RTN1: variants seen among roughly 807,000 people sequenced by gnomAD.
RTN1 encodes the protein reticulon-1.
In RTN1, 25 loss-of-function variants were observed where a neutral mutation model predicts 65.5. The observed-to-expected ratio is 0.38, with a 90% CI of 0.28 to 0.53. The LOEUF (loss-of-function observed/expected upper bound fraction) is 0.53, where lower values mean the gene tolerates loss of function less well. Ranked by LOEUF, RTN1 falls within the 20% of genes least tolerant of loss-of-function variation. The probability of loss-of-function intolerance (pLI) is 0.79; values close to 1 mark genes in which losing one functional copy is unlikely to be tolerated. For synonymous variants in RTN1, 471 were observed against 447.6 expected, an observed-to-expected ratio of 1.05 and a Z score of -0.66; for missense variants, 983 against 1,025.4, an observed-to-expected ratio of 0.96 and a Z score of 0.57.
chr14:59,751,275 A>G (rs1349138644), intron 1 of RTN1, among the ~76,000 whole-genome samples: 1 of 148,394 alleles, frequency 6.7e-6, no homozygotes, highest in Non-Finnish European at 1.5e-5. Flanking sequence ...AAGGAATAAT[A>G]CTAAGGATTG....
intron 3 of RTN1, among the ~76,000 whole-genome samples, chr14:59,702,123 ATAAT>A (rs1458284676): frequency 5.9e-5 from 9 of 152,200 alleles, no homozygotes; most frequent in African/African-American, 1.9e-4. Flanking sequence ...ATTTTAGAAA[ATAAT>A]TAACAATGGA....
chr14:59,751,435 G>A (rs1026366197), intron 1 of RTN1, among the ~76,000 whole-genome samples: 10 of 152,156 alleles, frequency 6.6e-5, no homozygotes, highest in African/African-American at 1.9e-4. Context: ...TGGAGGCAGG[G>A]AAATCAACCC....
intron 3 of RTN1, among the ~76,000 whole-genome samples, chr14:59,624,779 C>G (rs1176612583): frequency 6.6e-6 from 1 of 152,086 alleles, no homozygotes; most frequent in Admixed American, 6.6e-5. Context: ...TTCATAAGAA[C>G]TAGAAAGGTG....
At chr14:59,706,888 G>A (rs535173008) in intron 3 of RTN1, among the ~76,000 whole-genome samples, 1 of 152,096 alleles carries the variant, frequency 6.6e-6, no homozygotes, top group Non-Finnish European at 1.5e-5. Flanking sequence ...AATAGTATCT[G>A]GTGTTATTCT....
intron 3 of RTN1, among the ~76,000 whole-genome samples, chr14:59,638,552 A>G (rs1006425524): frequency 5.9e-5 from 9 of 152,208 alleles, no homozygotes; most frequent in African/African-American, 4.8e-5. Context: ...ACCTTCATCA[A>G]TGATCTTTGG....
At chr14:59,660,113 T>G (rs1348382073) in intron 3 of RTN1, among the ~76,000 whole-genome samples, 1 of 152,072 alleles carries the variant, frequency 6.6e-6, no homozygotes, top group African/African-American at 2.4e-5. Flanking sequence ...AAACAGACTT[T>G]AAACCAACAA....
At chr14:59,610,916 C>T (rs1036155382) in intron 3 of RTN1, among the ~76,000 whole-genome samples, 3 of 134,432 alleles carry the variant, frequency 2.2e-5, no homozygotes, top group African/African-American at 7.5e-5. Flanking sequence ...GATCTTGTGG[C>T]CCCCACCCAG....
rs959535882 is a variant in RTN1 at position 59,790,806 on chromosome 14, C to T, written c.242-44325G>A. 5.3e-5 allele frequency among the ~76,000 whole-genome samples: 8 copies of T among 151,918 alleles called. No individual in the cohort carries two copies. Among genetic ancestry groups the T allele is most frequent in the Admixed American group, 1.3e-4 (2 of 15,236 alleles). The stretch of plus-strand genomic sequence containing the variant: ...CATCTTTGAGTTTTGTATCTATTGC[C>T]TTCTGATGTTTAACTCAGTATCTTA... On this transcript the variant is annotated intron_variant, in intron 1 of 8. Transcript: ENST00000267484. This position sits in a 1 kb window ranked among gnomAD's most constrained non-coding sequence, Gnocchi z 4.1.
At chr14:59,679,447 C>A (rs1883699052) in intron 3 of RTN1, among the ~76,000 whole-genome samples, 1 of 152,182 alleles carries the variant, frequency 6.6e-6, no homozygotes, top group Non-Finnish European at 1.5e-5. Flanking sequence ...CAGCTAAGAC[C>A]ATGAGGTCTT....
chr14:59,717,191 G>T (rs908513130), intron 3 of RTN1, among the ~76,000 whole-genome samples: 2 of 152,132 alleles, frequency 1.3e-5, no homozygotes, highest in Admixed American at 1.3e-4. Flanking sequence ...GGAAGTGAAA[G>T]AATTAGGTTT....
At chr14:59,724,644 C>T (rs904036360) in intron 3 of RTN1, among the ~76,000 whole-genome samples, 1 of 151,776 alleles carries the variant, frequency 6.6e-6, no homozygotes, top group Non-Finnish European at 1.5e-5. Context: ...GCAGGCGGAT[C>T]GCCTAAGGTC....
intron 1 of RTN1, among the ~76,000 whole-genome samples, chr14:59,780,262 G>C (rs1338912319): frequency 6.6e-6 from 1 of 152,142 alleles, no homozygotes; most frequent in Non-Finnish European, 1.5e-5. Context: ...CCATCCTGAG[G>C]TTTATGGAGG....
chr14:59,708,881 C>T (rs527565389), intron 3 of RTN1, among the ~76,000 whole-genome samples: 158 of 152,288 alleles, frequency 1.0e-3, no homozygotes, highest in Non-Finnish European at 1.8e-3. Context: ...AAAAGAAAAT[C>T]CATCTGATCA....
intron 2 of RTN1, among the ~76,000 whole-genome samples, chr14:59,735,138 A>G (rs1369367325): frequency 6.6e-6 from 1 of 152,210 alleles, no homozygotes; most frequent in Non-Finnish European, 1.5e-5. Context: ...AGCCAAACTA[A>G]GCTTAATAAG....
chr14:59,718,618 T>C (rs8004529), intron 3 of RTN1, among the ~76,000 whole-genome samples: 6,020 of 152,206 alleles, frequency 0.04, 398 homozygotes, highest in African/African-American at 0.14. Context: ...CACCTAAATA[T>C]ATTAAACCCG....
chr14:59,853,892 T>C (rs1181262555), intron 1 of RTN1, among the ~76,000 whole-genome samples: 2 of 139,456 alleles, frequency 1.4e-5, no homozygotes, highest in Non-Finnish European at 3.1e-5. Context: ...TGAGAGGGAG[T>C]CTTGCTCTGT....
chr14:59,701,408 G>A (rs1283311546), intron 3 of RTN1, among the ~76,000 whole-genome samples: 4 of 152,192 alleles, frequency 2.6e-5, no homozygotes, highest in East Asian at 3.9e-4. Flanking sequence ...AGCTGGCAAC[G>A]GAAACAACTC....
chr14:59,605,270 C>T, intron 5 of RTN1, 98 bp downstream of exon 5: 1 of 1,328,550 alleles, frequency 7.5e-7, no homozygotes, highest in African/African-American at 1.5e-5. Context: ...ATAATTAGCA[C>T]TTGCTTTTTA....
At chr14:59,755,225 A>G (rs545551300) in intron 1 of RTN1, among the ~76,000 whole-genome samples, 62 of 152,346 alleles carry the variant, frequency 4.1e-4, no homozygotes, top group South Asian at 2.3e-3. Flanking sequence ...ACAGAGATAG[A>G]AATGCTCCAT....
Sources: allele counts gnomAD v4.1 joint callset (sites outside exome capture counted in the v4.1 genomes callset), GRCh38; gene constraint gnomAD v4.1.1; non-coding constraint Gnocchi (gnomAD v3.1); transcripts MANE v1.5; gene names NCBI Gene and HGNC (gene_info 2026-07-23, HGNC 2026-07-21).